Variants in MLLT10 observed in about 807,000 individuals in gnomAD.
MLLT10 encodes the protein protein AF-10.
A neutral mutation model predicts 129.1 loss-of-function variants in MLLT10; 30 were observed. The observed-to-expected ratio is 0.23, with a 90% CI of 0.17 to 0.32. The LOEUF (loss-of-function observed/expected upper bound fraction) is 0.32, where lower values mean the gene tolerates loss of function less well. Among genes scored for constraint, MLLT10 ranks in the 10% least tolerant of loss-of-function variants. MLLT10 has a pLI of 1.00. For missense variants in MLLT10, 1,119 were observed against 1,268.3 expected (o/e 0.88, Z 1.79); for synonymous variants, 490 against 446.4 (o/e 1.10, Z -1.23).
intron 13 of MLLT10, among the ~76,000 whole-genome samples, chr10:21,711,785 GCAA>G (rs1472515029): frequency 2.6e-5 from 4 of 152,074 alleles, no homozygotes; most frequent in Non-Finnish European, 4.4e-5. Context: ...AGCTTGAAAA[GCAA>G]CAACATCTCT....
intron 13 of MLLT10, among the ~76,000 whole-genome samples, chr10:21,709,503 T>G (rs1564692830): frequency 6.6e-6 from 1 of 152,218 alleles, no homozygotes; most frequent in Non-Finnish European, 1.5e-5. Context: ...AGTGCTGGGA[T>G]TACAGATGTG....
chr10:21,704,487 T>C (rs1564682156), intron 13 of MLLT10, among the ~76,000 whole-genome samples: 1 of 151,538 alleles, frequency 6.6e-6, no homozygotes, highest in Non-Finnish European at 1.5e-5. Context: ...AGAATTATTT[T>C]GTATCGCACA....
chr10:21,602,883 C>T (rs570469561), intron 5 of MLLT10, among the ~76,000 whole-genome samples: 1 of 151,952 alleles, frequency 6.6e-6, no homozygotes, highest in Non-Finnish European at 1.5e-5. Context: ...GTGCCCTCCA[C>T]CACGCCCGGC....
At chr10:21,588,404 T>TC (rs1486680592) in intron 4 of MLLT10, among the ~76,000 whole-genome samples, 1 of 152,126 alleles carries the variant, frequency 6.6e-6, no homozygotes, top group African/African-American at 2.4e-5. Flanking sequence ...AGCTTTTTTT[T>TC]CTTTTTAACC....
chr10:21,732,102 G>C (rs927353069), intron 17 of MLLT10, among the ~76,000 whole-genome samples: 3 of 152,150 alleles, frequency 2.0e-5, no homozygotes, highest in South Asian at 2.1e-4. Context: ...AAATCCATGG[G>C]AAACGGCCAG....
At chr10:21,672,934 T>A (rs984676207) in intron 10 of MLLT10, among the ~76,000 whole-genome samples, 1 of 152,042 alleles carries the variant, frequency 6.6e-6, no homozygotes, top group Middle Eastern at 3.2e-3. Flanking sequence ...ACATTTAGAG[T>A]CAGATTATAG....
chr10:21,626,369 C>G, intron 8 of MLLT10: 1 of 651,002 alleles, frequency 1.5e-6, no homozygotes, highest in African/African-American at 1.8e-5. Flanking sequence ...CGCACGCGTG[C>G]CACCCCCCAA....
At chr10:21,720,517 T>C (rs2057053942) in intron 14 of MLLT10, among the ~76,000 whole-genome samples, 1 of 152,248 alleles carries the variant, frequency 6.6e-6, no homozygotes, top group Admixed American at 6.5e-5. Context: ...ATTCATGTTT[T>C]TGCTGGAAAC....
chr10:21,583,423 T>C (rs1200343966), intron 3 of MLLT10, among the ~76,000 whole-genome samples: 2 of 151,992 alleles, frequency 1.3e-5, no homozygotes, highest in Non-Finnish European at 2.9e-5. Context: ...AAAGAGGTAA[T>C]AGGAAAATCA....
At position 21,578,895 on chromosome 10, in the gene MLLT10, T is replaced by C. The variant is rs187801025; in HGVS notation, c.241-7399T>C. 2.8e-3 allele frequency among the ~76,000 whole-genome samples: 423 copies of C among 152,354 alleles called. 1 individual carries two copies. Among genetic ancestry groups the C allele is most frequent in the African/African-American group, 9.6e-3 (399 of 41,592 alleles). On this transcript the variant is annotated intron_variant, in intron 3 of 22. Coordinates refer to ENST00000307729, the MANE Select transcript of MLLT10 (RefSeq NM_001195626.3). The stretch of plus-strand genomic sequence containing the variant: ...ACAATATAATTTTGGCTTTCAATAA[T>C]CATGTAATGTTAAGAACTTAAGAGT...
chr10:21,640,512 A>G (rs142388768), intron 8 of MLLT10, among the ~76,000 whole-genome samples: 227 of 151,916 alleles, frequency 1.5e-3, no homozygotes, highest in Admixed American at 3.9e-3. Context: ...GAGTATCAGT[A>G]ATTTTTGGTC....
At chr10:21,626,021 G>T in intron 8 of MLLT10, 2 of 1,193,972 alleles carry the variant, frequency 1.7e-6, no homozygotes, top group Non-Finnish European at 2.5e-6. Context: ...CTGTCCTGTG[G>T]TTACATTCAG....
intron 4 of MLLT10, among the ~76,000 whole-genome samples, chr10:21,593,836 A>G (rs2042744093): frequency 7.0e-6 from 1 of 143,258 alleles, no homozygotes; most frequent in Admixed American, 7.2e-5. Flanking sequence ...CTGAGGCAGG[A>G]GAATTGGTTG....
intron 3 of MLLT10, among the ~76,000 whole-genome samples, chr10:21,559,524 G>A (rs1380646540): frequency 6.6e-6 from 1 of 152,062 alleles, no homozygotes; most frequent in Admixed American, 6.5e-5. Context: ...CAGTTTAGTG[G>A]CATTAAGTAC....
rs1458829740 is a variant in MLLT10 at position 21,669,169 on chromosome 10, A to G, written c.796-1280A>G. The G allele has an allele frequency of 3.2e-6, 3 of 947,952 alleles. No homozygotes were observed. In the East Asian group the frequency reaches 1.5e-4, roughly 47 times the overall value. 58.7% of individuals were successfully genotyped at this position (947,952 alleles called of 1,614,324 possible). On this transcript the variant is annotated intron_variant, in intron 9 of 22. Coordinates refer to ENST00000307729, the MANE Select transcript of MLLT10 (RefSeq NM_001195626.3). ...TTGTTTGTGGATTGTAGTTTGTTAG[A>G]ATAGTGGAGTACTTTGTTTTTATGA...
In MLLT10 at chr10:21,625,724, T is replaced by C. The variant is rs3781479; in HGVS notation, c.699+8517T>C. The C allele has an allele frequency of 8.3e-4, 641 of 768,706 alleles. 4 individuals carry two copies. In the East Asian group the frequency reaches 0.014, roughly 17 times the overall value. The allele number at this position is 768,706 out of a possible 1,614,324, so 47.6% of individuals were successfully genotyped here. On this transcript the variant is annotated intron_variant, in intron 8 of 22. Transcript: ENST00000307729. ...AAAAGTCTGTTGTTTGCCACAGAAA[T>C]GCGCACTCCATGTTGTTTACCAGGG...
intron 13 of MLLT10, among the ~76,000 whole-genome samples, chr10:21,688,767 T>C (rs2053542706): frequency 6.6e-6 from 1 of 152,146 alleles, no homozygotes; most frequent in East Asian, 1.9e-4. Context: ...GGTAGGTAGA[T>C]CTTAGAATTC....
chr10:21,638,232 C>T (rs1232001152), intron 8 of MLLT10, among the ~76,000 whole-genome samples: 3 of 122,504 alleles, frequency 2.4e-5, no homozygotes, highest in South Asian at 2.5e-4. Flanking sequence ...CGCATTTAGT[C>T]TCTATCATAT....
intron 3 of MLLT10, among the ~76,000 whole-genome samples, chr10:21,561,138 T>C (rs2038748166): frequency 6.6e-6 from 1 of 152,206 alleles, no homozygotes; most frequent in Non-Finnish European, 1.5e-5. Flanking sequence ...TTTTTGTTTT[T>C]TGTGCTTTTG....
Sources: gnomAD v4.1 joint callset for allele counts (sites outside exome capture counted in the v4.1 genomes callset) on GRCh38, gnomAD v4.1.1 for gene constraint, MANE v1.5 for transcripts, NCBI Gene and HGNC (gene_info 2026-07-23, HGNC 2026-07-21) for gene names.